Variants in CCDC7 observed in about 807,000 individuals in gnomAD.
CCDC7 encodes coiled-coil domain-containing protein 7.
In CCDC7, 183 loss-of-function variants were observed where a neutral mutation model predicts 196.9. The ratio of observed to expected loss-of-function variants is 0.93; its 90% CI spans 0.82 to 1.05. CCDC7 has a LOEUF of 1.05. Ranked by LOEUF, CCDC7 falls within the 50% of genes least tolerant of loss-of-function variation. The pLI is 0.00. For missense variants in CCDC7, 1,540 were observed against 1,482.2 expected (o/e 1.04, Z -0.64); for synonymous variants, 525 against 484.6 (o/e 1.08, Z -1.10).
intron 11 of CCDC7, among the ~76,000 whole-genome samples, chr10:32,520,451 G>A (rs1430177015): frequency 2.6e-5 from 4 of 152,032 alleles, no homozygotes; most frequent in African/African-American, 9.7e-5. Context: ...GTTTTGATTT[G>A]CATTTCTCAG....
intron 8 of CCDC7, among the ~76,000 whole-genome samples, chr10:32,487,929 G>C (rs960438351): frequency 6.6e-6 from 1 of 152,286 alleles, no homozygotes; most frequent in Non-Finnish European, 1.5e-5. Flanking sequence ...CTACTCAGGG[G>C]TCAGGGACCC....
intron 11 of CCDC7, among the ~76,000 whole-genome samples, chr10:32,532,613 G>T (rs937414825): frequency 2.6e-5 from 4 of 152,112 alleles, no homozygotes; most frequent in Non-Finnish European, 5.9e-5. Flanking sequence ...TCTCCCTAGA[G>T]ATCTATACTT....
chr10:32,464,871 A>G (rs549815838), intron 5 of CCDC7, among the ~76,000 whole-genome samples: 31 of 151,976 alleles, frequency 2.0e-4, no homozygotes, highest in African/African-American at 6.8e-4. Context: ...CTCTCATTCA[A>G]TTTATCCTTC....
chr10:32,733,929 C>T (rs907105007), intron 28 of CCDC7, among the ~76,000 whole-genome samples: 4 of 152,224 alleles, frequency 2.6e-5, no homozygotes, highest in African/African-American at 9.6e-5. Flanking sequence ...TCAAAAACAA[C>T]ACATGTTGGT....
chr10:32,670,350 C>G (rs1438274398), intron 21 of CCDC7, among the ~76,000 whole-genome samples: 1 of 151,302 alleles, frequency 6.6e-6, no homozygotes, highest in Non-Finnish European at 1.5e-5. Context: ...TAAGTTGCTT[C>G]CTGTTGATTT....
At chr10:32,701,327 T>G (rs1239942491) in intron 24 of CCDC7, among the ~76,000 whole-genome samples, 1 of 150,000 alleles carries the variant, frequency 6.7e-6, no homozygotes, top group Non-Finnish European at 1.5e-5. Context: ...GTGGTTTGAT[T>G]TGCGTATGTT....
intron 18 of CCDC7, among the ~76,000 whole-genome samples, chr10:32,601,735 C>G (rs2061034044): frequency 6.6e-6 from 1 of 151,522 alleles, no homozygotes; most frequent in South Asian, 2.1e-4. Context: ...CCAATCAGCA[C>G]TTTGTAAAAA....
intron 28 of CCDC7, among the ~76,000 whole-genome samples, chr10:32,744,172 G>A (rs140457517): frequency 5.9e-4 from 90 of 151,602 alleles, no homozygotes; most frequent in African/African-American, 2.1e-3. Context: ...AAATAACATG[G>A]CCAACAGGCT....
chr10:32,521,034 G>A (rs903010163), intron 11 of CCDC7, among the ~76,000 whole-genome samples: 1 of 152,000 alleles, frequency 6.6e-6, no homozygotes, highest in African/African-American at 2.4e-5. Flanking sequence ...CATCGTAGGT[G>A]TGTGGAATTT....
At chr10:32,724,372 G>T (rs1204448556) in intron 25 of CCDC7, among the ~76,000 whole-genome samples, 1 of 152,104 alleles carries the variant, frequency 6.6e-6, no homozygotes. Context: ...CTTTGTCAGA[G>T]AGAGAGCTGC....
intron 31 of CCDC7, among the ~76,000 whole-genome samples, chr10:32,819,553 T>C (rs1266700177): frequency 6.6e-6 from 1 of 152,170 alleles, no homozygotes; most frequent in East Asian, 1.9e-4. Flanking sequence ...TGAACATCGA[T>C]GCAAAAATCC....
chr10:32,839,621 A>G (rs1400558835), intron 33 of CCDC7, among the ~76,000 whole-genome samples: 1 of 152,028 alleles, frequency 6.6e-6, no homozygotes, highest in Non-Finnish European at 1.5e-5. Context: ...CAAAGAAACA[A>G]TGAACTTGAA....
chr10:32,559,075 A>G (rs113345805), intron 13 of CCDC7, among the ~76,000 whole-genome samples: 32 of 152,192 alleles, frequency 2.1e-4, no homozygotes, highest in Non-Finnish European at 3.5e-4. Flanking sequence ...CTAGCACAGC[A>G]CTCTGAGATC....
chr10:32,704,774 G>A (rs2079401815), intron 24 of CCDC7, among the ~76,000 whole-genome samples: 1 of 152,140 alleles, frequency 6.6e-6, no homozygotes, highest in South Asian at 2.1e-4. Flanking sequence ...TGCTAGCAAT[G>A]AGTGACGCTC....
chr10:32,671,167 A>G (rs2140742317), intron 21 of CCDC7, among the ~76,000 whole-genome samples: 1 of 152,186 alleles, frequency 6.6e-6, no homozygotes, highest in South Asian at 2.1e-4. Flanking sequence ...AGGCCTTGAC[A>G]TTCACCACTC....
At chr10:32,449,968 G>A (rs1365866819), upstream of CCDC7, among the ~76,000 whole-genome samples, 5 of 152,202 alleles carry the variant, frequency 3.3e-5, no homozygotes, top group Non-Finnish European at 7.3e-5. Flanking sequence ...CCAATCTCCA[G>A]AACTGTGAGA....
In CCDC7 at chr10:32,598,463, G is replaced by T. The variant is rs181503028; in HGVS notation, c.1801+14159G>T. Among the ~76,000 whole-genome samples the T allele has an allele frequency of 7.9e-3, 1,203 of 152,260 alleles. 6 individuals are homozygous for T. Among genetic ancestry groups the T allele is most frequent in the Middle Eastern group, 0.021 (6 of 290 alleles). On this transcript the variant is annotated intron_variant, in intron 18 of 41. Coordinates refer to ENST00000639629, the Ensembl canonical transcript of CCDC7. ...ATCCCTTGAGCTTCCAGGGTGAGGCGATGCCCTGCCCTGCTCCGTGGGCTG... is the reference window on the plus strand; with the variant it reads ...ATCCCTTGAGCTTCCAGGGTGAGGCTATGCCCTGCCCTGCTCCGTGGGCTG...
chr10:32,825,201 C>T (rs914587185), intron 32 of CCDC7, among the ~76,000 whole-genome samples: 1 of 152,200 alleles, frequency 6.6e-6, no homozygotes, highest in Non-Finnish European at 1.5e-5. Context: ...AAACAACTCT[C>T]ATCCAAAAGT....
At chr10:32,459,641 T>C (rs988616126) in intron 3 of CCDC7, among the ~76,000 whole-genome samples, 1 of 132,984 alleles carries the variant, frequency 7.5e-6, no homozygotes, top group Non-Finnish European at 1.6e-5. Context: ...ACTTCCCTGC[T>C]GCACATTTTT....
Sources: gnomAD v4.1 joint callset for allele counts (sites outside exome capture counted in the v4.1 genomes callset) on GRCh38, gnomAD v4.1.1 for gene constraint, MANE v1.5 for transcripts, NCBI Gene and HGNC (gene_info 2026-07-23, HGNC 2026-07-21) for gene names.